PRSS3: variants seen among roughly 807,000 people sequenced by gnomAD.
PRSS3 encodes trypsin-3.
A neutral mutation model predicts 20.8 loss-of-function variants in PRSS3; 14 were observed. That is an observed-to-expected ratio of 0.67 (90% CI 0.44 to 1.05). The LOEUF (loss-of-function observed/expected upper bound fraction) is 1.05. Among genes scored for constraint, PRSS3 ranks in the 50% least tolerant of loss-of-function variants. The pLI, the probability that PRSS3 is intolerant of heterozygous loss-of-function variation, is 0.00. For synonymous variants in PRSS3, 91 were observed against 117.6 expected (o/e 0.77, Z 1.46); for missense variants, 237 against 306.4 (o/e 0.77, Z 1.69).
intron 1 of PRSS3, among the ~76,000 whole-genome samples, chr9:33,772,581 G>A (rs192068473): frequency 2.9e-4 from 44 of 152,140 alleles, no homozygotes; most frequent in African/African-American, 9.9e-4. Flanking sequence ...TTTGTGAGAC[G>A]GAGTTTCGCT....
At chr9:33,767,516 C>T (rs1428727449) in intron 1 of PRSS3, among the ~76,000 whole-genome samples, 2 of 151,516 alleles carry the variant, frequency 1.3e-5, no homozygotes, top group Non-Finnish European at 2.9e-5. Context: ...TCCAATATGA[C>T]TGATATCCTT....
Position 33,795,570 on chromosome 9 carries a change from C to A in PRSS3, c.-4C>A. 2 of 1,614,200 alleles carry A rather than the reference C, an allele frequency of 1.2e-6. No individual in the cohort carries two copies. Among genetic ancestry groups the A allele is most frequent in the Middle Eastern group, 3.3e-4 (2 of 6,062 alleles). ...CCACCACCAGTCAGGCACACTCTAC[C>A]ACCATGAATCCATTCCTGATCCTTG... is the stretch of plus-strand genomic sequence containing the variant. On this transcript the variant is annotated 5_prime_UTR_variant, in exon 1 of 5. Coordinates refer to ENST00000379405, the MANE Select transcript of PRSS3 (RefSeq NM_002771.4).
intron 1 of PRSS3, among the ~76,000 whole-genome samples, chr9:33,771,386 C>T (rs1376881119): frequency 1.3e-5 from 2 of 150,454 alleles, no homozygotes; most frequent in African/African-American, 2.5e-5. Context: ...AGTGCAGTGG[C>T]GCGATCTCAG....
rs1426423634 is a variant in PRSS3, at chr9:33,796,775, T to C, written c.173T>C (p.Val58Ala). 1.2e-6 allele frequency: 2 copies of C among 1,613,838 alleles called. No homozygotes were observed. Among genetic ancestry groups the C allele is most frequent in the African/African-American group, 1.3e-5 (1 of 74,918 alleles). ...GGCTCCCTCATCAGCGAACAGTGGG[T>C]GGTATCAGCAGCTCACTGCTACAAG... ...CGGSLISEQW[V>A]VSAAHCYKTR... The change falls in exon 2 of 5, where the codon GTG (valine) becomes GCG (alanine). Residue 58 changes from valine to alanine, a missense_variant. Physicochemically the swap from Val to Ala is moderately conservative, Grantham distance 64 (BLOSUM62 0). Transcript: ENST00000379405.
chr9:33,782,859 C>A (rs568356491), intron 1 of PRSS3, among the ~76,000 whole-genome samples: 6 of 152,310 alleles, frequency 3.9e-5, no homozygotes, highest in African/African-American at 1.4e-4. Flanking sequence ...AGCAATTATA[C>A]TCCTAAGTAT....
intron 1 of PRSS3, among the ~76,000 whole-genome samples, chr9:33,761,294 C>T (rs1333721226): frequency 1.3e-5 from 2 of 152,192 alleles, no homozygotes; most frequent in South Asian, 2.1e-4. Flanking sequence ...TAGGCGTGAG[C>T]GCTTTTTCCA....
Position 33,797,824 on chromosome 9 carries a change from A to G in PRSS3, c.201-5A>G. The G allele has an allele frequency of 6.2e-7, 1 of 1,614,242 alleles. No individual in the cohort carries two copies. The highest frequency in any genetic ancestry group is 8.5e-7 in the Non-Finnish European group (1 of 1,180,038). On this transcript the variant is annotated splice_region_variant and splice_polypyrimidine_tract_variant and intron_variant, in intron 2 of 4. Transcript: ENST00000379405. ...GGTCTTCACCATGCCTGCCCTGCCC[A>G]TCAGCCGCATCCAGGTGAGACTGGG...
At chr9:33,759,019 G>A (rs1251326621) in intron 1 of PRSS3, among the ~76,000 whole-genome samples, 1 of 152,180 alleles carries the variant, frequency 6.6e-6, no homozygotes, top group Non-Finnish European at 1.5e-5. Flanking sequence ...AAACACACAG[G>A]TGGGGCACTT....
At chr9:33,757,144 T>C (rs1292699054) in intron 1 of PRSS3, among the ~76,000 whole-genome samples, 1 of 152,228 alleles carries the variant, frequency 6.6e-6, no homozygotes, top group South Asian at 2.1e-4. Context: ...GAGGTTCTTG[T>C]TGTAAGGTGG....
intron 1 of PRSS3, among the ~76,000 whole-genome samples, chr9:33,787,362 T>C (rs1824455243): frequency 6.6e-6 from 1 of 152,120 alleles, no homozygotes; most frequent in Non-Finnish European, 1.5e-5. Flanking sequence ...CAGACCAATA[T>C]AAAATCTGCA....
At chr9:33,764,498 ACTC>A (rs749620960) in intron 1 of PRSS3, among the ~76,000 whole-genome samples, 2 of 152,210 alleles carry the variant, frequency 1.3e-5, no homozygotes, top group Non-Finnish European at 2.9e-5. Context: ...GCACCATTGC[ACTC>A]CAGCCTGGGA....
intron 1 of PRSS3, among the ~76,000 whole-genome samples, chr9:33,774,003 T>G (rs1430305111): frequency 6.6e-6 from 1 of 152,244 alleles, no homozygotes; most frequent in Non-Finnish European, 1.5e-5. Context: ...AAAGGTTTTA[T>G]TGTATATTGC....
Position 33,796,639 on chromosome 9 carries a change from C to T in PRSS3, c.41-4C>T, listed in dbSNP as rs776812255. On this transcript the variant is annotated splice_region_variant and splice_polypyrimidine_tract_variant and intron_variant, in intron 1 of 4. Coordinates refer to ENST00000379405, the MANE Select transcript of PRSS3 (RefSeq NM_002771.4). ...TGCCTTCTCCCTTCCTATTTCCACT[C>T]CAGTTGCTGTCCCCTTTGACGATGA... The T allele has an allele frequency of 3.7e-6, 6 of 1,613,974 alleles. No individual in the cohort carries two copies. Among genetic ancestry groups the T allele is most frequent in the Non-Finnish European group, 3.4e-6 (4 of 1,179,830 alleles).
At chr9:33,796,154 G>A (rs143171452) in intron 1 of PRSS3, among the ~76,000 whole-genome samples, 2 of 152,316 alleles carry the variant, frequency 1.3e-5, no homozygotes, top group Admixed American at 6.5e-5. Flanking sequence ...ATGCCAAAGT[G>A]AGCCTGGGGC....
intron 1 of PRSS3, among the ~76,000 whole-genome samples, chr9:33,772,380 T>C (rs535647071): frequency 6.6e-6 from 1 of 152,198 alleles, no homozygotes; most frequent in East Asian, 1.9e-4. Flanking sequence ...TCCTGTGCTT[T>C]GGAGGATGTT....
chr9:33,777,028 AG>A (rs1823964894), intron 1 of PRSS3, among the ~76,000 whole-genome samples: 2 of 152,328 alleles, frequency 1.3e-5, no homozygotes, highest in South Asian at 4.1e-4. Flanking sequence ...CTAGAAAAGA[AG>A]ACAAAATCTT....
chr9:33,782,046 T>C (rs1275024214), intron 1 of PRSS3, among the ~76,000 whole-genome samples: 1 of 152,212 alleles, frequency 6.6e-6, no homozygotes, highest in Non-Finnish European at 1.5e-5. Context: ...GGTCTCTTTA[T>C]CTGAGGCCTA....
upstream of PRSS3, among the ~76,000 whole-genome samples, chr9:33,793,424 A>G (rs1006935802): frequency 1.3e-5 from 2 of 152,188 alleles, no homozygotes; most frequent in Non-Finnish European, 2.9e-5. Context: ...ATGCTCCAAA[A>G]CCTGGATACC....
intron 1 of PRSS3, chr9:33,786,643 C>A: frequency 2.6e-6 from 2 of 766,444 alleles, no homozygotes; most frequent in Non-Finnish European, 4.8e-6. Flanking sequence ...TGTTCTGGTA[C>A]TGTCAGCAAC....
Sources: allele counts gnomAD v4.1 joint callset (sites outside exome capture counted in the v4.1 genomes callset), GRCh38; gene constraint gnomAD v4.1.1; transcripts MANE v1.5; gene names NCBI Gene and HGNC (gene_info 2026-07-23, HGNC 2026-07-21).